Variants in ZBED6 observed in about 807,000 individuals in gnomAD.
ZBED6 encodes zinc finger BED-type containing 6.
A neutral mutation model predicts 58.4 loss-of-function variants in ZBED6; 40 were observed. The ratio of observed to expected loss-of-function variants is 0.68; its 90% CI spans 0.53 to 0.89. The LOEUF (loss-of-function observed/expected upper bound fraction) is 0.89. ZBED6 is among the 40% of genes least tolerant of loss of function. ZBED6 has a pLI of 0.00. For synonymous variants in ZBED6, 439 were observed against 350.6 expected (o/e 1.25, Z -2.82); for missense variants, 1,057 against 1,003.9 (o/e 1.05, Z -0.71).
chr1:203,798,875 C>G lies in ZBED6; in HGVS notation c.1353C>G (p.Tyr451Ter). 6.5e-7 allele frequency: 1 copy of G among 1,536,068 alleles called. No homozygotes were observed. Among genetic ancestry groups the G allele is most frequent in the East Asian group, 2.4e-5 (1 of 40,914 alleles). ...ATTATAGGTTGCCATCAGAGACTTA[C>G]TTTTTCACTAAGGCTGTACCTCAGT... The change falls in exon 1 of 17, where the codon TAC becomes TAG. Residue 451 changes from tyrosine to a stop codon, truncating the protein, a stop_gained. Transcript: ENST00000550078. LOFTEE classifies it high-confidence loss of function.
At chr1:203,818,043 G>A (rs34947501) in intron 2 of ZBED6, among the ~76,000 whole-genome samples, 16,161 of 152,028 alleles carry the variant, frequency 0.11, 1,274 homozygotes, top group Non-Finnish European at 0.15. Context: ...CCCCACGCCC[G>A]GTGATATTAT....
At chr1:203,837,748 G>A (rs1684833699) in intron 9 of ZBED6, among the ~76,000 whole-genome samples, 1 of 152,160 alleles carries the variant, frequency 6.6e-6, no homozygotes, top group Non-Finnish European at 1.5e-5. Flanking sequence ...AAAGTGCTGA[G>A]ATTACAGGCC....
rs1688835486 is a variant in ZBED6 at position 203,849,841 on chromosome 1, T to C, written c.*4453T>C. 4 of 1,614,040 alleles carry C rather than the reference T, an allele frequency of 2.5e-6. No individual in the cohort carries two copies. The East Asian group carries it at 8.9e-5, about 36-fold the overall frequency. ...GTCTTGACACCTCTTCGGGGAGATG[T>C]AGCCTCTTGCAATACCCAAGTGGCA... On this transcript the variant is annotated 3_prime_UTR_variant, in exon 14 of 17. Coordinates refer to ENST00000550078, the Ensembl canonical transcript of ZBED6.
intron 9 of ZBED6, 53 bp downstream of exon 9, chr1:203,833,906 A>G (rs918753892): frequency 4.5e-6 from 7 of 1,562,008 alleles, no homozygotes; most frequent in African/African-American, 1.4e-5. Context: ...GTGCATTAAC[A>G]TGATAGCTTC....
intron 11 of ZBED6, among the ~76,000 whole-genome samples, chr1:203,844,828 C>G (rs34962738): frequency 4.0e-5 from 6 of 151,720 alleles, no homozygotes; most frequent in African/African-American, 1.5e-4. Context: ...TACTTTTATC[C>G]CTCCTCCCTC....
chr1:203,838,226 T>C (rs914993229), intron 10 of ZBED6, among the ~76,000 whole-genome samples, 162 bp downstream of exon 10: 1 of 152,376 alleles, frequency 6.6e-6, no homozygotes, highest in Admixed American at 6.5e-5. Context: ...GTCTGCTAGA[T>C]TCTGGGTAGA....
At chr1:203,799,350 A>G in exon 1 of ZBED6, 1 of 705,044 alleles carries the variant, frequency 1.4e-6, no homozygotes, top group Non-Finnish European at 2.6e-6. Context: ...AGTGGCTGCC[A>G]GGAAAACTTG....
intron 16 of ZBED6, among the ~76,000 whole-genome samples, 184 bp from the exon 17 acceptor site, chr1:203,851,957 A>T (rs1689396354): frequency 9.2e-6 from 1 of 108,204 alleles, no homozygotes; most frequent in Non-Finnish European, 1.7e-5. Flanking sequence ...TGACAAAGGG[A>T]GACTCTGCCT....
exon 11 of ZBED6, chr1:203,840,341 A>C: frequency 6.2e-7 from 1 of 1,613,280 alleles, no homozygotes; most frequent in Non-Finnish European, 8.5e-7. Context: ...GCGATTAGGC[A>C]TGTCAGCTGA....
intron 13 of ZBED6, 27 bp from the exon 14 acceptor site, chr1:203,849,684 A>G (rs563999542): frequency 6.2e-7 from 1 of 1,609,634 alleles, no homozygotes; most frequent in African/African-American, 1.3e-5. Context: ...ACCAGATTTT[A>G]ATTCTGTCAT....
exon 1 of ZBED6, chr1:203,796,447 G>C (rs777109089): frequency 2.5e-5 from 10 of 398,930 alleles, no homozygotes; most frequent in Non-Finnish European, 4.0e-5. Context: ...CGTTCTCCTT[G>C]TAGGACTGGT....
At chr1:203,832,868 A>G (rs574807829) in intron 8 of ZBED6, among the ~76,000 whole-genome samples, 3 of 152,366 alleles carry the variant, frequency 2.0e-5, no homozygotes, top group African/African-American at 7.2e-5. Context: ...CATAAGCAAA[A>G]GGATAGTTTC....
chr1:203,835,824 A>T (rs1684139914), intron 9 of ZBED6: 1 of 238,806 alleles, frequency 4.2e-6, no homozygotes, highest in Non-Finnish European at 9.4e-6. Context: ...AACACCTTCA[A>T]TTTTAAGAAA....
intron 1 of ZBED6, among the ~76,000 whole-genome samples, chr1:203,803,770 T>C (rs1671252278): frequency 6.6e-6 from 1 of 152,294 alleles, no homozygotes; most frequent in Non-Finnish European, 1.5e-5. Context: ...TGTACCTGGC[T>C]ACTTTTTAAA....
intron 3 of ZBED6, among the ~76,000 whole-genome samples, chr1:203,822,005 C>T (rs1228022864): frequency 2.6e-5 from 4 of 152,102 alleles, no homozygotes; most frequent in Non-Finnish European, 5.9e-5. Flanking sequence ...GATCCGCCCG[C>T]CTTGGCCTCC....
exon 1 of ZBED6, chr1:203,798,050 G>A (rs1186705454): frequency 6.5e-7 from 1 of 1,535,444 alleles, no homozygotes; most frequent in Admixed American, 2.0e-5. Flanking sequence ...AACGACATCT[G>A]CAAGCAAGGC....
At chr1:203,804,436 G>A (rs550749712) in intron 1 of ZBED6, among the ~76,000 whole-genome samples, 2 of 152,146 alleles carry the variant, frequency 1.3e-5, no homozygotes, top group South Asian at 2.1e-4. Context: ...ACAAGCATGA[G>A]CCACCACGCC....
intron 9 of ZBED6, among the ~76,000 whole-genome samples, chr1:203,837,630 A>G (rs1005539501): frequency 3.3e-5 from 5 of 151,936 alleles, no homozygotes; most frequent in Admixed American, 2.0e-4. Flanking sequence ...GTGTGCCACC[A>G]TGCCTGACTA....
At chr1:203,798,192 G>A in exon 1 of ZBED6, 2 of 1,536,150 alleles carry the variant, frequency 1.3e-6, no homozygotes, top group Non-Finnish European at 1.7e-6. Flanking sequence ...TGATCCATTA[G>A]ATGATAATAG....
Sources: gnomAD v4.1 joint callset for allele counts (sites outside exome capture counted in the v4.1 genomes callset) on GRCh38, gnomAD v4.1.1 for gene constraint, MANE v1.5 for transcripts, NCBI Gene and HGNC (gene_info 2026-07-23, HGNC 2026-07-21) for gene names.